The following TSC22D2 variants were observed in gnomAD, a reference collection of about 807,000 sequenced individuals.
The protein encoded by TSC22D2 is TSC22 domain family member 2.
Under a neutral mutation model 50.1 loss-of-function variants are expected in TSC22D2, and 5 were observed. The observed-to-expected ratio is 0.10, with a 90% CI of 0.05 to 0.21. The LOEUF (loss-of-function observed/expected upper bound fraction) is 0.21, where lower values mean the gene tolerates loss of function less well. TSC22D2 is among the 10% of genes least tolerant of loss of function. TSC22D2 has a pLI of 1.00. For missense variants in TSC22D2, 1,003 were observed against 1,015.5 expected (o/e 0.99, Z 0.17); for synonymous variants, 501 against 450.1 (o/e 1.11, Z -1.43).
In TSC22D2 at chr3:150,463,085, G is replaced by C. The variant is rs781181707; in HGVS notation, c.*4449G>C. The C allele has an allele frequency of 6.6e-6, 1 of 152,174 alleles. No individual in the cohort carries two copies. The highest frequency in any genetic ancestry group is 2.4e-5 in the African/African-American group (1 of 41,430). The allele number at this position is 152,174 out of a possible 1,614,324, so 9.4% of individuals were successfully genotyped here. ...AGGGATTTCAAGAATTTAACAAAAG[G>C]GTTGGGGAATGGAACCTTTGCTGTC... On this transcript the variant is annotated 3_prime_UTR_variant, in exon 3 of 3. Coordinates refer to ENST00000688009, the MANE Select transcript of TSC22D2 (RefSeq NM_001303264.2).
At chr3:150,422,819 C>CT (rs1475963272) in intron 1 of TSC22D2, among the ~76,000 whole-genome samples, 1 of 152,154 alleles carries the variant, frequency 6.6e-6, no homozygotes, top group African/African-American at 2.4e-5. Flanking sequence ...TGCCTTACCT[C>CT]TTTATTTTAT....
At chr3:150,449,432 CCTT>C (rs1488661817) in intron 1 of TSC22D2, among the ~76,000 whole-genome samples, 1 of 152,072 alleles carries the variant, frequency 6.6e-6, no homozygotes, top group Non-Finnish European at 1.5e-5. Flanking sequence ...GTGTGTATAT[CCTT>C]CTTTATGTGT....
chr3:150,424,451 G>C (rs1272597950), intron 1 of TSC22D2, among the ~76,000 whole-genome samples: 2 of 152,148 alleles, frequency 1.3e-5, no homozygotes, highest in African/African-American at 4.8e-5. Flanking sequence ...GAGCTGTCAT[G>C]ATGTTGATGT....
At chr3:150,416,632 C>T (rs1719813877) in intron 1 of TSC22D2, among the ~76,000 whole-genome samples, 1 of 152,038 alleles carries the variant, frequency 6.6e-6, no homozygotes, top group South Asian at 2.1e-4. Flanking sequence ...TTGTTATATT[C>T]TTAATCTGGC....
Position 150,410,526 on chromosome 3 carries a change from C to T in TSC22D2, c.1176C>T (p.Ser392=), listed in dbSNP as rs765289514. ...ACGTGGCCGGCCTGCAGCCGCCAAG[C>T]CCCGCGCAGCCCTCGTCCACCGGCG... ...QQHVAGLQPP[S]PAQPSSTGAA... Residue 392 remains serine (S), a synonymous_variant, in exon 1 of 3, where the codon AGC becomes AGT. Transcript: ENST00000688009. The T allele has an allele frequency of 3.8e-6, 6 of 1,575,708 alleles. No individual in the cohort carries two copies. The highest frequency in any genetic ancestry group is 3.4e-6 in the Non-Finnish European group (4 of 1,162,224).
chr3:150,441,036 T>TTA lies in TSC22D2; in HGVS notation c.1959-16030_1959-16029dup, dbSNP rs778817752. On this transcript the variant is annotated intron_variant, in intron 1 of 2. Transcript: ENST00000688009. ...ATGAGAATTCTATCTAAAAGTCTTT[T>TTA]TATATATATATTAAAAAATATATAT... Among the ~76,000 whole-genome samples the TTA allele has an allele frequency of 1.2e-4, 18 of 148,992 alleles. No homozygotes were observed. In the South Asian group the frequency reaches 1.5e-3, roughly 12 times the overall value.
rs1038424874 is a variant in TSC22D2, at chr3:150,464,657, A to G, written c.*6021A>G. The G allele has an allele frequency of 6.6e-5, 10 of 152,168 alleles. No homozygotes were observed. Among genetic ancestry groups the G allele is most frequent in the Non-Finnish European group, 1.3e-4 (9 of 68,024 alleles). 9.4% of individuals were successfully genotyped at this position (152,168 alleles called of 1,614,324 possible). A position where few individuals can be genotyped will look rare whatever the true frequency, so the allele number is the denominator to read the frequency against. On this transcript the variant is annotated 3_prime_UTR_variant, in exon 3 of 3. Transcript: ENST00000688009. The stretch of plus-strand genomic sequence containing the variant: ...AAGGTTTTTATAAATCAACAGTAAT[A>G]TTGCCATCCCATGTAAAAATCCTTT...
chr3:150,438,865 A>T (rs115749979), intron 1 of TSC22D2, among the ~76,000 whole-genome samples: 2,258 of 152,276 alleles, frequency 0.015, 69 homozygotes, highest in African/African-American at 0.052. Flanking sequence ...AATACCTAAG[A>T]TGCCAATATC....
intron 1 of TSC22D2, among the ~76,000 whole-genome samples, chr3:150,418,662 A>T (rs912985715): frequency 6.6e-6 from 1 of 152,042 alleles, no homozygotes; most frequent in Admixed American, 6.5e-5. Context: ...GATGTGAAAG[A>T]GTGAGAATCT....
At chr3:150,417,386 A>C (rs1296177246) in intron 1 of TSC22D2, among the ~76,000 whole-genome samples, 1 of 152,148 alleles carries the variant, frequency 6.6e-6, no homozygotes, top group African/African-American at 2.4e-5. Context: ...AAGCAAAACA[A>C]ATCTTTGCTT....
At chr3:150,428,899 C>T (rs915535846) in intron 1 of TSC22D2, among the ~76,000 whole-genome samples, 4 of 152,130 alleles carry the variant, frequency 2.6e-5, no homozygotes, top group African/African-American at 9.7e-5. Flanking sequence ...AATAATACAA[C>T]TATCTTCCTG....
In TSC22D2 at chr3:150,441,381, G is replaced by C. The variant is rs560873533; in HGVS notation, c.1959-15695G>C. ...ATTTGATATTTTGACATCTGTGATA[G>C]CATTCCCTCCTGTTTTTCCTTCTAC... On this transcript the variant is annotated intron_variant, in intron 1 of 2. Coordinates refer to ENST00000688009, the MANE Select transcript of TSC22D2 (RefSeq NM_001303264.2). Among the ~76,000 whole-genome samples, 8 of 152,290 alleles carry C rather than the reference G, an allele frequency of 5.3e-5. No homozygotes were observed. The East Asian group carries it at 1.5e-3, about 29-fold the overall frequency.
Position 150,409,748 on chromosome 3 carries a change from C to T in TSC22D2, c.398C>T (p.Ala133Val). Residue 133 changes from alanine (A) to valine (V), a missense_variant, in exon 1 of 3, where the codon GCA becomes GTA. Transcript: ENST00000688009. The surrounding 1 kb of genome is among the most constrained non-coding windows in gnomAD (Gnocchi z 7.4). ...GCCACTTCGGCCCCCGCCCCCGGAG[C>T]ACCCGGCGGCCCCCAGCTCGCGGGC... ...AAATSAPAPG[A>V]PGGPQLAGSS... 6.2e-7 allele frequency: 1 copy of T among 1,601,546 alleles called. No homozygotes were observed. The highest frequency in any genetic ancestry group is 8.5e-7 in the Non-Finnish European group (1 of 1,178,150).
chr3:150,411,555 A>C (rs531822446), intron 1 of TSC22D2, among the ~76,000 whole-genome samples: 1 of 152,354 alleles, frequency 6.6e-6, no homozygotes, highest in African/African-American at 2.4e-5. Context: ...ACTCAAAAAA[A>C]GGTGAATTTA....
chr3:150,423,189 G>A, intron 1 of TSC22D2: 1 of 1,169,502 alleles, frequency 8.6e-7, no homozygotes, highest in Non-Finnish European at 1.2e-6. Flanking sequence ...CACTGTACTG[G>A]TTTCTCATTA....
Position 150,463,416 on chromosome 3 carries a change from T to C in TSC22D2, c.*4780T>C, listed in dbSNP as rs1431626756. On this transcript the variant is annotated 3_prime_UTR_variant, in exon 3 of 3. Transcript: ENST00000688009. ...CCTTCTGCTTCAAGCCTCTTAATAA[T>C]CCATATTTCTATTTTCTAGCAATAG... is the stretch of plus-strand genomic sequence containing the variant. 2 of 152,338 alleles carry C rather than the reference T, an allele frequency of 1.3e-5. No homozygotes were observed. The highest frequency in any genetic ancestry group is 1.9e-4 in the East Asian group (1 of 5,186). The allele number at this position is 152,338 out of a possible 1,614,324, so 9.4% of individuals were successfully genotyped here.
intron 1 of TSC22D2, 89 bp downstream of exon 1, chr3:150,411,397 G>C: frequency 7.4e-7 from 1 of 1,355,510 alleles, no homozygotes; most frequent in South Asian, 1.4e-5. Flanking sequence ...GTTGTCAACG[G>C]AGGCCCTTAG....
In TSC22D2 at chr3:150,463,894, T is replaced by G. The variant is rs1363418692; in HGVS notation, c.*5258T>G. ...GGATGGTGAGTGAGTTAGCTTTATT[T>G]TTCATTCTCAGCAGGGAAACTGATA... On this transcript the variant is annotated 3_prime_UTR_variant, in exon 3 of 3. Transcript: ENST00000688009. The G allele has an allele frequency of 6.6e-6, 1 of 152,208 alleles. No homozygotes were observed. The highest frequency in any genetic ancestry group is 2.1e-4 in the South Asian group (1 of 4,838). 9.4% of individuals were successfully genotyped at this position (152,208 alleles called of 1,614,324 possible).
At chr3:150,422,832 C>T (rs2108070791) in intron 1 of TSC22D2, among the ~76,000 whole-genome samples, 1 of 152,298 alleles carries the variant, frequency 6.6e-6, no homozygotes, top group Admixed American at 6.5e-5. Flanking sequence ...TATTTTATAA[C>T]TGTGATCCTG....
Sources: gnomAD v4.1 joint callset for allele counts (sites outside exome capture counted in the v4.1 genomes callset) on GRCh38, gnomAD v4.1.1 for gene constraint, Gnocchi (gnomAD v3.1) non-coding constraint, MANE v1.5 for transcripts, NCBI Gene and HGNC (gene_info 2026-07-23, HGNC 2026-07-21) for gene names.